Variants in KHDRBS2 observed in about 807,000 individuals in gnomAD.
KHDRBS2 encodes the protein KH RNA binding domain containing, signal transduction associated 2, also known as KH domain-containing, RNA-binding, signal transduction-associated protein 2.
In KHDRBS2, 26 loss-of-function variants were observed where a neutral mutation model predicts 44.3. The observed-to-expected ratio is 0.59, with a 90% confidence interval of 0.43 to 0.81. KHDRBS2 has a LOEUF of 0.81. KHDRBS2 is among the 40% of genes least tolerant of loss of function. KHDRBS2 has a pLI of 0.00. For synonymous variants in KHDRBS2, 194 were observed against 151.1 expected (o/e 1.28, Z -2.08); for missense variants, 476 against 433.1 (o/e 1.10, Z -0.88).
intron 6 of KHDRBS2, among the ~76,000 whole-genome samples, chr6:61,771,682 T>G (rs1411262176): frequency 6.6e-6 from 1 of 152,152 alleles, no homozygotes; most frequent in Non-Finnish European, 1.5e-5. Flanking sequence ...CCCAGATTCA[T>G]AAAGCAAGTC....
chr6:62,011,509 T>G (rs763625407), intron 3 of KHDRBS2, among the ~76,000 whole-genome samples: 2 of 152,204 alleles, frequency 1.3e-5, no homozygotes, highest in Non-Finnish European at 2.9e-5. Context: ...TTAATAGTAC[T>G]AGGACAATAT....
intron 4 of KHDRBS2, among the ~76,000 whole-genome samples, chr6:61,976,904 T>C (rs1431556911): frequency 6.6e-6 from 1 of 152,124 alleles, no homozygotes; most frequent in African/African-American, 2.4e-5. Context: ...GAGATCTAGT[T>C]AGGGAGATGT....
At chr6:61,547,711 A>C in the KHDRBS2 span, among the ~76,000 whole-genome samples, 1 of 152,180 alleles carries the variant, frequency 6.6e-6, no homozygotes, top group Non-Finnish European at 1.5e-5. Flanking sequence ...AGAGGATGCC[A>C]GTACTCTAGG....
chr6:62,052,310 T>C (rs1358400724), intron 2 of KHDRBS2, among the ~76,000 whole-genome samples: 1 of 151,828 alleles, frequency 6.6e-6, no homozygotes, highest in African/African-American at 2.4e-5. Context: ...AATGAGACCT[T>C]GCCATTTTTG....
At chr6:61,979,029 C>G (rs780355357) in intron 3 of KHDRBS2, among the ~76,000 whole-genome samples, 3 of 152,000 alleles carry the variant, frequency 2.0e-5, no homozygotes, top group Non-Finnish European at 4.4e-5. Flanking sequence ...ATTATTGAAA[C>G]CTGGTTAATT....
chr6:61,963,119 G>A (rs1769125569), intron 4 of KHDRBS2, among the ~76,000 whole-genome samples: 1 of 152,056 alleles, frequency 6.6e-6, no homozygotes, highest in Non-Finnish European at 1.5e-5. Context: ...CAGGGAGTAA[G>A]GGTACCATCA....
chr6:61,642,181 A>G, the KHDRBS2 span, among the ~76,000 whole-genome samples: 1 of 152,144 alleles, frequency 6.6e-6, no homozygotes, highest in African/African-American at 2.4e-5. Context: ...TTTGTTTCGT[A>G]TAGTGAAATT....
intron 4 of KHDRBS2, among the ~76,000 whole-genome samples, chr6:61,906,279 T>C (rs1804998997): frequency 6.6e-6 from 1 of 152,166 alleles, no homozygotes; most frequent in South Asian, 2.1e-4. Context: ...ATATAATATG[T>C]ATATATTTTT....
intron 6 of KHDRBS2, among the ~76,000 whole-genome samples, chr6:61,733,853 T>C (rs1242163964): frequency 6.6e-6 from 1 of 152,138 alleles, no homozygotes; most frequent in African/African-American, 2.4e-5. Context: ...TATTCCCTAC[T>C]TCTGGAAAAA....
intron 1 of KHDRBS2, among the ~76,000 whole-genome samples, chr6:62,277,466 C>T (rs1236068125): frequency 2.0e-5 from 3 of 151,996 alleles, no homozygotes; most frequent in Admixed American, 1.3e-4. Flanking sequence ...CTCAGCCTCC[C>T]GAGTAGCTGG....
At chr6:61,897,595 A>C (rs753647323) in intron 5 of KHDRBS2, among the ~76,000 whole-genome samples, 11 of 151,982 alleles carry the variant, frequency 7.2e-5, no homozygotes, top group Non-Finnish European at 8.8e-5. Context: ...ATAAATGTTA[A>C]TCTCTAATCT....
intron 1 of KHDRBS2, among the ~76,000 whole-genome samples, chr6:62,200,236 G>A (rs1826646424): frequency 6.6e-6 from 1 of 152,096 alleles, no homozygotes; most frequent in Admixed American, 6.5e-5. Flanking sequence ...TTGACAAATG[G>A]GATCTAATTA....
intron 3 of KHDRBS2, among the ~76,000 whole-genome samples, chr6:62,028,127 G>A (rs1454248849): frequency 6.6e-6 from 1 of 152,096 alleles, no homozygotes; most frequent in Non-Finnish European, 1.5e-5. Flanking sequence ...GAGTTGAATT[G>A]TAGGACATCC....
At chr6:61,656,420 G>A in the KHDRBS2 span, among the ~76,000 whole-genome samples, 2 of 151,922 alleles carry the variant, frequency 1.3e-5, no homozygotes, top group Non-Finnish European at 2.9e-5. Context: ...ACTAATAAAA[G>A]ATTTGAGCCT....
At chr6:62,138,454 C>T (rs1584913365) in intron 2 of KHDRBS2, among the ~76,000 whole-genome samples, 1 of 152,300 alleles carries the variant, frequency 6.6e-6, no homozygotes, top group East Asian at 1.9e-4. Flanking sequence ...TGTGTTAAAG[C>T]AAGTGTGTCT....
intron 2 of KHDRBS2, among the ~76,000 whole-genome samples, chr6:62,050,871 C>A (rs988446138): frequency 4.1e-4 from 62 of 152,020 alleles, no homozygotes; most frequent in African/African-American, 1.3e-3. Flanking sequence ...TTCACAATCA[C>A]CATTAAGCCA....
intron 1 of KHDRBS2, among the ~76,000 whole-genome samples, chr6:62,216,707 T>TTG (rs1830043497): frequency 6.6e-6 from 1 of 150,476 alleles, no homozygotes; most frequent in African/African-American, 2.4e-5. Flanking sequence ...TTTTTTTTTT[T>TTG]TTTGTTTTAT....
intron 2 of KHDRBS2, among the ~76,000 whole-genome samples, chr6:62,165,519 T>A (rs1818502616): frequency 6.6e-6 from 1 of 151,870 alleles, no homozygotes; most frequent in African/African-American, 2.4e-5. Context: ...TTAGTGAATT[T>A]GTTTAAATAT....
chr6:61,843,299 T>A (rs1270491576), intron 6 of KHDRBS2, among the ~76,000 whole-genome samples: 4 of 151,078 alleles, frequency 2.6e-5, no homozygotes. Flanking sequence ...TTTACCAAAT[T>A]TTTTAGAATG....
Sources: gnomAD v4.1 joint callset for allele counts (sites outside exome capture counted in the v4.1 genomes callset) on GRCh38, gnomAD v4.1.1 for gene constraint, MANE v1.5 for transcripts, NCBI Gene and HGNC (gene_info 2026-07-23, HGNC 2026-07-21) for gene names.